Variants in BCL2L1 observed in about 807,000 individuals in gnomAD.
The protein encoded by BCL2L1 is BCL2 like 1.
In BCL2L1, 1 loss-of-function variant was observed where a neutral mutation model predicts 18.7. The observed-to-expected ratio is 0.05, with a 90% CI of 0.02 to 0.25. The LOEUF (loss-of-function observed/expected upper bound fraction) is 0.25, where lower values mean the gene tolerates loss of function less well. Ranked by LOEUF, BCL2L1 falls within the 10% of genes least tolerant of loss-of-function variation. The pLI is 1.00. For missense variants in BCL2L1, 207 were observed against 304.9 expected (o/e 0.68, Z 2.39); for synonymous variants, 103 against 122.7 (o/e 0.84, Z 1.06).
intron 2 of BCL2L1, among the ~76,000 whole-genome samples, chr20:31,683,095 T>G (rs1376310654): frequency 6.6e-6 from 1 of 152,152 alleles, no homozygotes; most frequent in East Asian, 1.9e-4. Context: ...CAGTTTCCTG[T>G]CTGCTCAAAA....
chr20:31,680,585 G>A (rs1175687608), intron 2 of BCL2L1, among the ~76,000 whole-genome samples: 1 of 152,174 alleles, frequency 6.6e-6, no homozygotes, highest in Non-Finnish European at 1.5e-5. Context: ...TCTAAGATGG[G>A]ACATGACCTA....
chr20:31,692,061 A>C (rs1393141116), intron 2 of BCL2L1, among the ~76,000 whole-genome samples: 1 of 152,248 alleles, frequency 6.6e-6, no homozygotes, highest in Non-Finnish European at 1.5e-5. Flanking sequence ...CCCAGGACCA[A>C]GAGTGGCAGC....
intron 2 of BCL2L1, among the ~76,000 whole-genome samples, chr20:31,710,635 G>A (rs1204264064): frequency 1.3e-5 from 2 of 152,230 alleles, no homozygotes; most frequent in African/African-American, 4.8e-5. Flanking sequence ...AATCAACTGG[G>A]TAGCTGATGG....
chr20:31,666,119 G>A (rs1223173796), intron 2 of BCL2L1, 33 bp from the exon 3 acceptor site: 5 of 1,612,564 alleles, frequency 3.1e-6, no homozygotes, highest in Non-Finnish European at 4.2e-6. Flanking sequence ...TGCAGTTTTA[G>A]TCCTCAGAGA....
intron 2 of BCL2L1, among the ~76,000 whole-genome samples, chr20:31,706,476 T>A (rs2061370012): frequency 6.6e-6 from 1 of 152,202 alleles, no homozygotes; most frequent in Admixed American, 6.5e-5. Context: ...TGTTTGTTAA[T>A]CCAGTCACTA....
intron 2 of BCL2L1, among the ~76,000 whole-genome samples, chr20:31,712,854 C>CG (rs2061475291): frequency 6.6e-6 from 1 of 151,878 alleles, no homozygotes; most frequent in African/African-American, 2.4e-5. Context: ...TAGTTGAGTG[C>CG]GTTCCAATCC....
At chr20:31,687,500 C>T (rs1300893571) in intron 2 of BCL2L1, among the ~76,000 whole-genome samples, 1 of 151,484 alleles carries the variant, frequency 6.6e-6, no homozygotes, top group African/African-American at 2.4e-5. Context: ...ACGGTGAAAC[C>T]CCTTCTCTAC....
chr20:31,679,768 A>G (rs2122526086), intron 2 of BCL2L1, among the ~76,000 whole-genome samples: 1 of 152,282 alleles, frequency 6.6e-6, no homozygotes, highest in Non-Finnish European at 1.5e-5. Context: ...GGTTCAAGCG[A>G]TTCTTGTGCC....
At chr20:31,704,322 G>A (rs977648154) in intron 2 of BCL2L1, among the ~76,000 whole-genome samples, 7 of 149,992 alleles carry the variant, frequency 4.7e-5, no homozygotes, top group African/African-American at 1.7e-4. Flanking sequence ...GGCTGGTCTT[G>A]AACTCCCGAC....
chr20:31,709,316 C>CGT (rs368060910), intron 2 of BCL2L1, among the ~76,000 whole-genome samples: 36 of 152,068 alleles, frequency 2.4e-4, no homozygotes, highest in African/African-American at 6.5e-4. Context: ...CTGGCCTGCT[C>CGT]GTGTGTGTGT....
chr20:31,676,260 C>T (rs932523503), intron 2 of BCL2L1, among the ~76,000 whole-genome samples: 2 of 152,146 alleles, frequency 1.3e-5, no homozygotes, highest in African/African-American at 2.4e-5. Context: ...CTAAGTGCTT[C>T]GTGTGTAAAG....
intron 2 of BCL2L1, among the ~76,000 whole-genome samples, chr20:31,687,434 A>C (rs2060977518): frequency 6.6e-6 from 1 of 151,766 alleles, no homozygotes; most frequent in South Asian, 2.1e-4. Flanking sequence ...TCCCAAAGGA[A>C]GGAGGATAAC....
Position 31,666,003 on chromosome 20 carries a change from C to T in BCL2L1, c.648G>A (p.Thr216=), listed in dbSNP as rs773174390. 20 of 1,613,960 alleles carry T rather than the reference C, an allele frequency of 1.2e-5. No individual in the cohort carries two copies. Among genetic ancestry groups the T allele is most frequent in the Middle Eastern group, 1.6e-4 (1 of 6,078 alleles). ...GQERFNRWFL[T]GMTVAGVVLL... is the part of the protein sequence containing the mutation. ...GAACCACGCCGGCCACAGTCATGCC[C>T]GTCAGGAACCAGCGGTTGAAGCGTT... Residue 216 remains threonine, a synonymous_variant, in exon 3 of 3, where the codon ACG becomes ACA. Transcript: ENST00000307677.
At chr20:31,683,440 C>A (rs1002274199) in intron 2 of BCL2L1, among the ~76,000 whole-genome samples, 1 of 152,114 alleles carries the variant, frequency 6.6e-6, no homozygotes, top group Non-Finnish European at 1.5e-5. Flanking sequence ...TGCCTACCAC[C>A]GGCCACCTAA....
intron 2 of BCL2L1, among the ~76,000 whole-genome samples, chr20:31,680,267 T>C (rs2060836230): frequency 6.6e-6 from 1 of 152,138 alleles, no homozygotes. Flanking sequence ...ATGAAGAGAT[T>C]TTACTAAGAC....
rs1197438126 is a variant in BCL2L1, at chr20:31,664,829, G to A, written c.*1120C>T. ...GACAGGCCAAGGGTGGAGCAGAAGA[G>A]AGAGGGAGGCCTGAAGAGCTCCTGG... On this transcript the variant is annotated 3_prime_UTR_variant, in exon 3 of 3. Transcript: ENST00000307677. The A allele has an allele frequency of 1.3e-5, 3 of 223,068 alleles. No homozygotes were observed. Among genetic ancestry groups the A allele is most frequent in the Non-Finnish European group, 2.7e-5 (3 of 111,278 alleles). 13.8% of individuals were successfully genotyped at this position (223,068 alleles called of 1,614,324 possible).
chr20:31,674,207 T>C (rs1217150854), intron 2 of BCL2L1, among the ~76,000 whole-genome samples: 2 of 152,208 alleles, frequency 1.3e-5, no homozygotes, highest in Non-Finnish European at 2.9e-5. Flanking sequence ...CTTAGTGACT[T>C]CAGCAGCAGC....
intron 2 of BCL2L1, among the ~76,000 whole-genome samples, chr20:31,670,655 A>G (rs147233720): frequency 1.3e-5 from 2 of 152,270 alleles, no homozygotes; most frequent in Non-Finnish European, 2.9e-5. Flanking sequence ...GGTCATGACA[A>G]CCTTCATTTC....
chr20:31,718,611 C>T lies in BCL2L1; in HGVS notation c.564+3044G>A, dbSNP rs181578498. On this transcript the variant is annotated intron_variant, in intron 2 of 2. Coordinates refer to ENST00000307677, the MANE Select transcript of BCL2L1 (RefSeq NM_138578.3). Reference sequence around the variant, plus strand: ...CAGAGGCTGCAGTGAGCTGAGATCGCGCCACTGCACTCCAGCCTAGGCAAC... The same window carrying T: ...CAGAGGCTGCAGTGAGCTGAGATCGTGCCACTGCACTCCAGCCTAGGCAAC... 1.4e-3 allele frequency among the ~76,000 whole-genome samples: 209 copies of T among 150,878 alleles called. 3 individuals are homozygous for T. Among genetic ancestry groups the T allele is most frequent in the East Asian group, 7.4e-3 (38 of 5,124 alleles).
Sources: gnomAD v4.1 joint callset for allele counts (sites outside exome capture counted in the v4.1 genomes callset) on GRCh38, gnomAD v4.1.1 for gene constraint, MANE v1.5 for transcripts, NCBI Gene and HGNC (gene_info 2026-07-23, HGNC 2026-07-21) for gene names.